Variants in ARFIP1 observed in about 807,000 individuals in gnomAD.
The protein encoded by ARFIP1 is ARF interacting protein 1.
A neutral mutation model predicts 42.5 loss-of-function variants in ARFIP1; 24 were observed. That is an observed-to-expected ratio of 0.57 (90% CI 0.41 to 0.80). The LOEUF (loss-of-function observed/expected upper bound fraction) is 0.80, where lower values mean the gene tolerates loss of function less well. ARFIP1 is among the 30% of genes least tolerant of loss of function. The pLI, the probability that ARFIP1 is intolerant of heterozygous loss-of-function variation, is 0.00. For missense variants in ARFIP1, 354 were observed against 434.0 expected (o/e 0.82, Z 1.64); for synonymous variants, 141 against 153.7 (o/e 0.92, Z 0.61).
chr4:152,804,044 T>C (rs1024516214), intron 1 of ARFIP1, among the ~76,000 whole-genome samples: 1 of 130,014 alleles, frequency 7.7e-6, no homozygotes, highest in Non-Finnish European at 1.6e-5. Flanking sequence ...GTAATATATA[T>C]ATTATATATA....
At chr4:152,892,439 GC>G (rs1481316912) in intron 8 of ARFIP1, among the ~76,000 whole-genome samples, 43 of 152,110 alleles carry the variant, frequency 2.8e-4, no homozygotes, top group Admixed American at 6.6e-5. Flanking sequence ...CGAGAATAGG[GC>G]ATAAAGTAAA....
At position 152,808,283 on chromosome 4, in the gene ARFIP1, A is replaced by ATTTTTTTTTTTTTTTTTT. The variant is rs61135783; in HGVS notation, c.-9-21325_-9-21308dup. 4.1e-3 allele frequency among the ~76,000 whole-genome samples: 83 copies of ATTTTTTTTTTTTTTTTTT among 20,318 alleles called. 13 individuals are homozygous for ATTTTTTTTTTTTTTTTTT. Among genetic ancestry groups the ATTTTTTTTTTTTTTTTTT allele is most frequent in the East Asian group, 4.8e-3 (3 of 626 alleles). The allele number at this position is 20,318 out of a possible 152,430, so 13.3% of individuals were successfully genotyped here. On this transcript the variant is annotated intron_variant, in intron 1 of 8. Coordinates refer to ENST00000353617, the MANE Select transcript of ARFIP1 (RefSeq NM_001025595.3). ...GTGTGAGCCACCACGCCTGGCCTCC[A>ATTTTTTTTTTTTTTTTTT]TTTTTTTTTTTTTTTTTTTTTTTTT...
intron 1 of ARFIP1, among the ~76,000 whole-genome samples, chr4:152,806,115 T>A (rs1170603378): frequency 6.6e-6 from 1 of 152,244 alleles, no homozygotes; most frequent in Non-Finnish European, 1.5e-5. Context: ...TCTTCGTGAT[T>A]GCATTTTATG....
Position 152,897,345 on chromosome 4 carries a change from A to C in ARFIP1, c.966+9038A>C, listed in dbSNP as rs73865269. ...TTTTTTTTTTACCAGTTATGCTAAGATTCCGGCATGACAATTTTTGTAAGG... is the reference window on the plus strand; with the variant it reads ...TTTTTTTTTTACCAGTTATGCTAAGCTTCCGGCATGACAATTTTTGTAAGG... On this transcript the variant is annotated intron_variant, in intron 8 of 8. Coordinates refer to ENST00000353617, the MANE Select transcript of ARFIP1 (RefSeq NM_001025595.3). 4.4e-3 allele frequency among the ~76,000 whole-genome samples: 670 copies of C among 152,080 alleles called. 4 individuals are homozygous for C. Among genetic ancestry groups the C allele is most frequent in the African/African-American group, 0.015 (629 of 41,476 alleles).
At chr4:152,835,027 A>G (rs1731540760) in intron 2 of ARFIP1, among the ~76,000 whole-genome samples, 1 of 152,152 alleles carries the variant, frequency 6.6e-6, no homozygotes, top group Admixed American at 6.5e-5. Context: ...CTTTTCTTCT[A>G]GGCCTCTGGT....
intron 1 of ARFIP1, among the ~76,000 whole-genome samples, chr4:152,825,916 A>C (rs1730798783): frequency 6.6e-6 from 1 of 152,220 alleles, no homozygotes. Flanking sequence ...GTTCAACATC[A>C]CTAATCTTCA....
At chr4:152,833,328 C>T (rs1046342531) in intron 2 of ARFIP1, among the ~76,000 whole-genome samples, 1 of 151,040 alleles carries the variant, frequency 6.6e-6, no homozygotes, top group African/African-American at 2.4e-5. Context: ...CTAATCAAAA[C>T]CTCAGTGAGA....
intron 8 of ARFIP1, among the ~76,000 whole-genome samples, chr4:152,905,340 G>A (rs1050486033): frequency 2.6e-5 from 4 of 152,002 alleles, no homozygotes; most frequent in Admixed American, 2.6e-4. Context: ...CAGCATCCTG[G>A]TCAGTAAGGA....
intron 2 of ARFIP1, among the ~76,000 whole-genome samples, chr4:152,833,219 T>G (rs1282751208): frequency 1.4e-5 from 2 of 145,406 alleles, no homozygotes; most frequent in Non-Finnish European, 3.0e-5. Flanking sequence ...AATTTAAAAC[T>G]GGGGATTTGA....
intron 3 of ARFIP1, among the ~76,000 whole-genome samples, chr4:152,869,977 A>G (rs371779402): frequency 5.9e-5 from 9 of 152,344 alleles, no homozygotes; most frequent in Middle Eastern, 6.8e-3. Flanking sequence ...TAATCAGTAG[A>G]TCTTTTTGAG....
intron 1 of ARFIP1, among the ~76,000 whole-genome samples, chr4:152,797,669 A>G (rs1731551165): frequency 6.6e-6 from 1 of 152,026 alleles, no homozygotes; most frequent in African/African-American, 2.4e-5. Flanking sequence ...CACATTGTTT[A>G]GTTTATTCCT....
intron 1 of ARFIP1, among the ~76,000 whole-genome samples, chr4:152,798,188 G>A (rs1238949772): frequency 6.6e-6 from 1 of 152,118 alleles, no homozygotes; most frequent in Admixed American, 6.5e-5. Flanking sequence ...GCTTGAACCC[G>A]GGAGGCGGAG....
chr4:152,822,391 C>A (rs1730462374), intron 1 of ARFIP1, among the ~76,000 whole-genome samples: 1 of 149,380 alleles, frequency 6.7e-6, no homozygotes, highest in Non-Finnish European at 1.5e-5. Context: ...ATGCACCTAA[C>A]TTTGGAGCTT....
At chr4:152,810,245 A>C (rs1172107291) in intron 1 of ARFIP1, 1 of 152,242 alleles carries the variant, frequency 6.6e-6, no homozygotes, top group Non-Finnish European at 1.5e-5. Context: ...GTGGTGGCTA[A>C]AGCTGGCTTG....
At chr4:152,803,298 C>T (rs796607931) in intron 1 of ARFIP1, among the ~76,000 whole-genome samples, 3 of 152,266 alleles carry the variant, frequency 2.0e-5, no homozygotes, top group African/African-American at 7.2e-5. Flanking sequence ...ACATTTATGA[C>T]ATTGAGTGAA....
chr4:152,783,003 A>G (rs749318650), intron 1 of ARFIP1, among the ~76,000 whole-genome samples: 1 of 152,272 alleles, frequency 6.6e-6, no homozygotes, highest in Non-Finnish European at 1.5e-5. Flanking sequence ...AGCAGTCAAC[A>G]TAAGTTTATA....
intron 3 of ARFIP1, among the ~76,000 whole-genome samples, chr4:152,870,512 C>T (rs543839981): frequency 1.3e-5 from 2 of 152,244 alleles, no homozygotes; most frequent in South Asian, 4.2e-4. Context: ...TACCAGATTT[C>T]ATTATATAGT....
chr4:152,826,234 A>G (rs1730824798), intron 1 of ARFIP1, among the ~76,000 whole-genome samples: 2 of 152,238 alleles, frequency 1.3e-5, no homozygotes, highest in Non-Finnish European at 2.9e-5. Flanking sequence ...CCCAACAACC[A>G]ATGAGTAGAT....
intron 1 of ARFIP1, among the ~76,000 whole-genome samples, chr4:152,816,078 C>A (rs184991747): frequency 6.6e-4 from 100 of 152,268 alleles, no homozygotes; most frequent in African/African-American, 2.3e-3. Context: ...AGCTACTGTT[C>A]CCCTACTCCA....
Sources: allele counts gnomAD v4.1 joint callset (sites outside exome capture counted in the v4.1 genomes callset), GRCh38; gene constraint gnomAD v4.1.1; transcripts MANE v1.5; gene names NCBI Gene and HGNC (gene_info 2026-07-23, HGNC 2026-07-21).